The following PTGFRN variants were observed in gnomAD, a reference collection of about 807,000 sequenced individuals.
PTGFRN encodes prostaglandin F2 receptor inhibitor.
A neutral mutation model predicts 83.2 loss-of-function variants in PTGFRN; 35 were observed. The ratio of observed to expected loss-of-function variants is 0.42; its 90% CI spans 0.32 to 0.56. The LOEUF is 0.56. Ranked by LOEUF, PTGFRN falls within the 20% of genes least tolerant of loss-of-function variation. PTGFRN has a pLI of 0.11. For synonymous variants in PTGFRN, 519 were observed against 498.6 expected (o/e 1.04, Z -0.55); for missense variants, 1,051 against 1,179.5 (o/e 0.89, Z 1.60).
intron 3 of PTGFRN, among the ~76,000 whole-genome samples, chr1:116,945,390 T>G (rs1010010865): frequency 9.2e-5 from 14 of 152,138 alleles, no homozygotes; most frequent in African/African-American, 3.4e-4. Flanking sequence ...TCACTCAGAG[T>G]TGAGGTGCTG....
rs982202730 is a variant in PTGFRN, at chr1:116,967,089, C to T, written c.1818C>T (p.Ile606=). 3.7e-6 allele frequency: 6 copies of T among 1,614,104 alleles called. No individual in the cohort carries two copies. The highest frequency in any genetic ancestry group is 5.1e-6 in the Non-Finnish European group (6 of 1,180,056). The change falls in exon 6 of 9, where the codon ATC becomes ATT. Residue 606 remains isoleucine, a synonymous_variant. Transcript: ENST00000393203. ...GTCCCAATGAAACGAAGTACATCAT[C>T]TCTCTGGACCAGGATTCTGTGGTGA... is the stretch of plus-strand genomic sequence containing the variant. ...LSSPNETKYI[I]SLDQDSVVKL...
rs769334750 is a variant in PTGFRN at position 116,958,723 on chromosome 1, A to G, written c.1214-2520A>G. On this transcript the variant is annotated intron_variant, in intron 4 of 8. Transcript: ENST00000393203. This position sits in a 1 kb window ranked among gnomAD's most constrained non-coding sequence, Gnocchi z 4.9. The stretch of plus-strand genomic sequence containing the variant: ...GGGTGAGGCACCAGAGATCTGAGTA[A>G]TCTACCCAAGGTCAATAGCAAGTAA... Among the ~76,000 whole-genome samples, 1 of 152,180 alleles carries G rather than the reference A, an allele frequency of 6.6e-6. No homozygotes were observed. Among genetic ancestry groups the G allele is most frequent in the Non-Finnish European group, 1.5e-5 (1 of 68,026 alleles).
chr1:116,920,421 T>C (rs887492746), intron 1 of PTGFRN, among the ~76,000 whole-genome samples: 3 of 152,218 alleles, frequency 2.0e-5, no homozygotes, highest in African/African-American at 7.2e-5. Context: ...AAGCTGGGGC[T>C]GACTAATCAA....
intron 6 of PTGFRN, among the ~76,000 whole-genome samples, chr1:116,967,775 G>A (rs956496716): frequency 7.2e-5 from 11 of 152,152 alleles, no homozygotes; most frequent in Non-Finnish European, 1.5e-4. Flanking sequence ...TCATTTTTAT[G>A]ACTGAATAAG....
chr1:116,918,174 A>G lies in PTGFRN; in HGVS notation c.49+7922A>G, dbSNP rs1649454025. 6.6e-6 allele frequency among the ~76,000 whole-genome samples: 1 copy of G among 152,144 alleles called. No individual in the cohort carries two copies. The highest frequency in any genetic ancestry group is 2.4e-5 in the African/African-American group (1 of 41,424). ...TTTAAAATCTACTTCTGTTCTTTAT[A>G]CCCTTCCAGCCTTACTTCATCTCCC... On this transcript the variant is annotated intron_variant, in intron 1 of 8. Transcript: ENST00000393203. The surrounding 1 kb of genome is among the most constrained non-coding windows in gnomAD (Gnocchi z 4.1).
chr1:116,948,881 A>T (rs191330475), intron 3 of PTGFRN, among the ~76,000 whole-genome samples: 1 of 152,314 alleles, frequency 6.6e-6, no homozygotes, highest in East Asian at 1.9e-4. Context: ...CAATTTCCTC[A>T]TCAGTAAAAT....
chr1:116,976,597 C>A (rs1651162773), intron 7 of PTGFRN, among the ~76,000 whole-genome samples: 1 of 152,156 alleles, frequency 6.6e-6, no homozygotes, highest in Non-Finnish European at 1.5e-5. Context: ...GCATTTTCAA[C>A]CCAGAATTTC....
At chr1:116,973,136 T>C (rs558679376) in intron 6 of PTGFRN, among the ~76,000 whole-genome samples, 61 of 152,220 alleles carry the variant, frequency 4.0e-4, no homozygotes, top group African/African-American at 1.4e-3. Flanking sequence ...CAGGTTAGTC[T>C]TGAACACCTG....
chr1:116,911,394 G>T (rs1304453023), intron 1 of PTGFRN, among the ~76,000 whole-genome samples: 4 of 152,188 alleles, frequency 2.6e-5, no homozygotes, highest in African/African-American at 9.7e-5. Context: ...TTCCAGAGGA[G>T]GCCTTCTATA....
Position 116,964,200 on chromosome 1 carries a change from C to CA in PTGFRN, c.1639+2533dup, listed in dbSNP as rs538062640. Among the ~76,000 whole-genome samples, 6 of 152,268 alleles carry CA rather than the reference C, an allele frequency of 3.9e-5. No homozygotes were observed. The East Asian group carries it at 1.2e-3, about 29-fold the overall frequency. On this transcript the variant is annotated intron_variant, in intron 5 of 8. Coordinates refer to ENST00000393203, the MANE Select transcript of PTGFRN (RefSeq NM_020440.4). ...CAACAATATTTGACGTATATATACTCAGTGTGTCTGGTTTTTCTCCTTCCA... is the reference window on the plus strand; with the variant it reads ...CAACAATATTTGACGTATATATACTCAAGTGTGTCTGGTTTTTCTCCTTCCA...
chr1:116,927,525 CTTTTTT>C (rs1171564821), intron 1 of PTGFRN, among the ~76,000 whole-genome samples: 1 of 124,416 alleles, frequency 8.0e-6, no homozygotes, highest in Admixed American at 7.7e-5. Flanking sequence ...CCTTGCTTAC[CTTTTTT>C]TTTTTTTTTT....
intron 3 of PTGFRN, among the ~76,000 whole-genome samples, chr1:116,946,199 C>A (rs1650198172): frequency 6.6e-6 from 1 of 152,164 alleles, no homozygotes; most frequent in African/African-American, 2.4e-5. Context: ...AAGCAGGAAA[C>A]AACACGCAGG....
At chr1:116,962,362 G>A (rs1650689129) in intron 5 of PTGFRN, 1 of 152,156 alleles carries the variant, frequency 6.6e-6, no homozygotes, top group African/African-American at 2.4e-5. Context: ...AAAAATGCTG[G>A]TGCTTTGTCC....
At chr1:116,945,131 GT>G (rs1465938881) in intron 3 of PTGFRN, 39 bp downstream of exon 3, 4 of 1,560,886 alleles carry the variant, frequency 2.6e-6, no homozygotes, top group Non-Finnish European at 3.5e-6. Context: ...ATGTTATTTT[GT>G]GACTAATGAT....
At chr1:116,911,408 A>G (rs977762394) in intron 1 of PTGFRN, among the ~76,000 whole-genome samples, 1 of 151,754 alleles carries the variant, frequency 6.6e-6, no homozygotes, top group Admixed American at 6.6e-5. Context: ...TTCTATAGCT[A>G]CTCCCCTGCT....
At chr1:116,927,395 A>G (rs1000535961) in intron 1 of PTGFRN, among the ~76,000 whole-genome samples, 1 of 152,212 alleles carries the variant, frequency 6.6e-6, no homozygotes, top group Non-Finnish European at 1.5e-5. Flanking sequence ...AAGCAATGTC[A>G]TAGTTATATG....
intron 1 of PTGFRN, among the ~76,000 whole-genome samples, chr1:116,920,457 G>T (rs1649509270): frequency 6.6e-6 from 1 of 152,196 alleles, no homozygotes; most frequent in Admixed American, 6.5e-5. Flanking sequence ...AATGTGACTT[G>T]TGTCTTCTCC....
At chr1:116,932,321 A>G (rs552018840) in intron 1 of PTGFRN, among the ~76,000 whole-genome samples, 202 of 152,286 alleles carry the variant, frequency 1.3e-3, no homozygotes, top group African/African-American at 4.8e-3. Flanking sequence ...GCCTTTTTCT[A>G]CCTGTCCCCA....
chr1:116,921,173 G>C (rs905570551), intron 1 of PTGFRN, among the ~76,000 whole-genome samples: 2 of 152,176 alleles, frequency 1.3e-5, no homozygotes, highest in African/African-American at 4.8e-5. Context: ...TGGCTACTTT[G>C]AGGTGCTACT....
Sources: gnomAD v4.1 joint callset for allele counts (sites outside exome capture counted in the v4.1 genomes callset) on GRCh38, gnomAD v4.1.1 for gene constraint, Gnocchi (gnomAD v3.1) non-coding constraint, MANE v1.5 for transcripts, NCBI Gene and HGNC (gene_info 2026-07-23, HGNC 2026-07-21) for gene names.